Variants in COL16A1 observed in about 807,000 individuals in gnomAD.
COL16A1 encodes the protein collagen type XVI alpha 1 chain.
Under a neutral mutation model 266.3 loss-of-function variants are expected in COL16A1, and 189 were observed. That is an observed-to-expected ratio of 0.71 (90% CI 0.63 to 0.80). COL16A1 has a LOEUF of 0.80. Ranked by LOEUF, COL16A1 falls within the 30% of genes least tolerant of loss-of-function variation. The probability of loss-of-function intolerance (pLI) is 0.00; values close to 1 mark genes in which losing one functional copy is unlikely to be tolerated. For missense variants in COL16A1, 1,928 were observed against 2,122.4 expected (o/e 0.91, Z 1.80); for synonymous variants, 740 against 782.3 (o/e 0.95, Z 0.90).
intron 58 of COL16A1, 134 bp from the exon 59 acceptor site, chr1:31,661,838 C>T: frequency 4.1e-6 from 4 of 964,738 alleles, no homozygotes; most frequent in Non-Finnish European, 6.1e-6. Context: ...CCTGGCTCAG[C>T]CTCTGACTGG....
intron 32 of COL16A1, 21 bp from the exon 33 acceptor site, chr1:31,684,024 C>G (rs1411963932): frequency 6.2e-7 from 1 of 1,614,212 alleles, no homozygotes; most frequent in South Asian, 1.1e-5. Context: ...TAAGGTGGCC[C>G]ATGGAGTCCC....
chr1:31,673,258 G>A (rs1642896503), intron 44 of COL16A1: 1 of 294,704 alleles, frequency 3.4e-6, no homozygotes, highest in African/African-American at 2.2e-5. Context: ...AGCTGCGGGA[G>A]GAGCCAGGCC....
chr1:31,679,752 A>G, intron 41 of COL16A1, 52 bp downstream of exon 41: 1 of 1,601,062 alleles, frequency 6.2e-7, no homozygotes. Context: ...GCAGCTGTTT[A>G]GGGTGGACAA....
intron 61 of COL16A1, 134 bp from the exon 62 acceptor site, chr1:31,660,772 T>C: frequency 7.5e-7 from 1 of 1,330,348 alleles, no homozygotes; most frequent in Non-Finnish European, 1.0e-6. Flanking sequence ...ATTCCCAGCC[T>C]CCAGACCCAA....
chr1:31,677,125 G>A (rs1039086531), intron 42 of COL16A1, among the ~76,000 whole-genome samples: 1 of 152,022 alleles, frequency 6.6e-6, no homozygotes, highest in Non-Finnish European at 1.5e-5. Flanking sequence ...TCACTCTGTC[G>A]CCCAGGCTGG....
intron 48 of COL16A1, among the ~76,000 whole-genome samples, chr1:31,671,074 C>T (rs779546345): frequency 6.6e-6 from 1 of 152,230 alleles, no homozygotes; most frequent in African/African-American, 2.4e-5. Context: ...TCAATCTTTC[C>T]TAGTCACTTC....
At position 31,670,489 on chromosome 1, in the gene COL16A1, G is replaced by A. The variant is rs568064226; in HGVS notation, c.3195+113C>T. On this transcript the variant is annotated intron_variant, in intron 49 of 70. Transcript: ENST00000373672. The surrounding 1 kb of genome is among the most constrained non-coding windows in gnomAD (Gnocchi z 4.5). ...GTCGTTAGCTACCGTGCCTGAAGGG[G>A]GACAACAAACACGGAGGACGGAGGT... 2 of 1,264,622 alleles carry A rather than the reference G, an allele frequency of 1.6e-6. No homozygotes were observed. The highest frequency in any genetic ancestry group is 2.6e-5 in the South Asian group (1 of 38,066). The allele number at this position is 1,264,622 out of a possible 1,614,324, so 78.3% of individuals were successfully genotyped here. A position where few individuals can be genotyped will look rare whatever the true frequency, so the allele number is the denominator to read the frequency against.
At position 31,698,770 on chromosome 1, in the gene COL16A1, G is replaced by A. The variant is rs972716468; in HGVS notation, c.267-164C>T. Among the ~76,000 whole-genome samples the A allele has an allele frequency of 3.3e-5, 5 of 152,118 alleles. No individual in the cohort carries two copies. In the East Asian group the frequency reaches 5.8e-4, roughly 18 times the overall value. On this transcript the variant is annotated intron_variant, in intron 4 of 70. Coordinates refer to ENST00000373672, the MANE Select transcript of COL16A1 (RefSeq NM_001856.4). This position sits in a 1 kb window ranked among gnomAD's most constrained non-coding sequence, Gnocchi z 4.1. Reference sequence around the variant, plus strand: ...CATACCTTTACTGAGTGCCTTCCGCGAGCTAGGTGCGGGTCTGGCTGCTGG... The same window carrying A: ...CATACCTTTACTGAGTGCCTTCCGCAAGCTAGGTGCGGGTCTGGCTGCTGG...
At chr1:31,658,995 C>T (rs369893578) in intron 62 of COL16A1, 31 bp from the exon 63 acceptor site, 19 of 1,550,502 alleles carry the variant, frequency 1.2e-5, no homozygotes, top group African/African-American at 4.1e-5. Flanking sequence ...GGGATAGAAA[C>T]AGGTTCTAAT....
At position 31,688,386 on chromosome 1, in the gene COL16A1, CT is replaced by C; in HGVS notation, c.1803+80del. The C allele has an allele frequency of 2.0e-6, 3 of 1,481,666 alleles. No individual in the cohort carries two copies. The highest frequency in any genetic ancestry group is 2.8e-6 in the Non-Finnish European group (3 of 1,059,936). The allele number at this position is 1,481,666 out of a possible 1,614,324, so 91.8% of individuals were successfully genotyped here. On this transcript the variant is annotated intron_variant, in intron 26 of 70. Transcript: ENST00000373672. This position sits in a 1 kb window ranked among gnomAD's most constrained non-coding sequence, Gnocchi z 4.9. ...GTCTGAATCTCTTGTTTATATTACC[CT>C]TATTCCCCGCCCGCACCACTCCTCC... is the stretch of plus-strand genomic sequence containing the variant.
In COL16A1 at chr1:31,684,161, G is replaced by T; in HGVS notation, c.2231C>A (p.Pro744His). Reference protein sequence around the residue: ...VTDMAGRPGQPGPKGEQGPEG... With the variant: ...VTDMAGRPGQHGPKGEQGPEG... ...GGGGCCCTGCTCTCCTTTGGGGCCG[G>T]GCTGCCCAGGCCGTCCTGCCATGTC... The change falls in exon 32 of 71, where the codon CCC becomes CAC. Residue 744 changes from proline to histidine, a missense_variant. Pro to His is a moderately conservative substitution (Grantham distance 77). Transcript: ENST00000373672. 1 of 1,547,104 alleles carries T rather than the reference G, an allele frequency of 6.5e-7. No individual in the cohort carries two copies. Among genetic ancestry groups the T allele is most frequent in the South Asian group, 1.2e-5 (1 of 83,128 alleles).
intron 42 of COL16A1, among the ~76,000 whole-genome samples, chr1:31,678,849 A>G (rs1408177038): frequency 6.6e-6 from 1 of 152,218 alleles, no homozygotes; most frequent in Non-Finnish European, 1.5e-5. Context: ...ATTCAAGTTC[A>G]GGCTGCCTGC....
rs1471662861 is a variant in COL16A1 at position 31,700,030 on chromosome 1, T to C, written c.148+11A>G. On this transcript the variant is annotated intron_variant, in intron 3 of 70. Transcript: ENST00000373672. ...TGCAGGGACGGCGCGATGAGATGGT[T>C]GGGTGCTCACCAGTCACGTTGGCTG... 6.2e-7 allele frequency: 1 copy of C among 1,614,066 alleles called. No homozygotes were observed. The highest frequency in any genetic ancestry group is 8.5e-7 in the Non-Finnish European group (1 of 1,179,982).
intron 39 of COL16A1, 79 bp downstream of exon 39, chr1:31,680,826 C>T (rs1478997720): frequency 6.2e-7 from 1 of 1,608,534 alleles, no homozygotes; most frequent in Non-Finnish European, 8.5e-7. Context: ...GCTAATCCCC[C>T]AGAGTACGGG....
intron 16 of COL16A1, 94 bp downstream of exon 16, chr1:31,692,380 C>T: frequency 1.3e-6 from 2 of 1,506,106 alleles, no homozygotes; most frequent in Non-Finnish European, 1.8e-6. Flanking sequence ...CCCACTGACA[C>T]CCTCTCCTCA....
intron 44 of COL16A1, 73 bp from the exon 45 acceptor site, chr1:31,672,913 GT>G: frequency 7.0e-7 from 1 of 1,425,546 alleles, no homozygotes; most frequent in Non-Finnish European, 9.8e-7. Context: ...GGGAGCCCCA[GT>G]GAGAACCCAG....
chr1:31,672,878 A>G, intron 44 of COL16A1, 38 bp from the exon 45 acceptor site: 1 of 1,598,860 alleles, frequency 6.3e-7, no homozygotes, highest in Non-Finnish European at 8.6e-7. Context: ...GGCCTGGGTT[A>G]GAGATGGGCA....
rs533968985 is a variant in COL16A1 at position 31,694,952 on chromosome 1, G to C, written c.981+234C>G. On this transcript the variant is annotated intron_variant, in intron 11 of 70. Coordinates refer to ENST00000373672, the MANE Select transcript of COL16A1 (RefSeq NM_001856.4). ...GGCCACCATCCCGTGCCCATGCCCT[G>C]AACCCGAACACACTGCAGATGACAA... Among the ~76,000 whole-genome samples, 9 of 152,346 alleles carry C rather than the reference G, an allele frequency of 5.9e-5. No individual in the cohort carries two copies. The East Asian group carries it at 1.7e-3, about 29-fold the overall frequency.
At chr1:31,665,070 C>A in intron 56 of COL16A1, 102 bp downstream of exon 56, 2 of 1,520,950 alleles carry the variant, frequency 1.3e-6, no homozygotes, top group South Asian at 2.5e-5. Context: ...GCAACTGGGT[C>A]AGTCTTGGAA....
Sources: gnomAD v4.1 joint callset for allele counts (sites outside exome capture counted in the v4.1 genomes callset) on GRCh38, gnomAD v4.1.1 for gene constraint, Gnocchi (gnomAD v3.1) non-coding constraint, MANE v1.5 for transcripts, NCBI Gene and HGNC (gene_info 2026-07-23, HGNC 2026-07-21) for gene names.